The following SHISA6 variants were observed in gnomAD, a reference collection of about 807,000 sequenced individuals.
SHISA6 encodes the protein protein shisa-6.
SHISA6 carries 22 observed loss-of-function variants against 47.9 expected under a neutral mutation model. The observed-to-expected ratio is 0.46, with a 90% CI of 0.33 to 0.66. The LOEUF (loss-of-function observed/expected upper bound fraction) is 0.66, where lower values mean the gene tolerates loss of function less well. Ranked by LOEUF, SHISA6 falls within the 30% of genes least tolerant of loss-of-function variation. The probability of loss-of-function intolerance (pLI) is 0.02; values close to 1 mark genes in which losing one functional copy is unlikely to be tolerated. For missense variants in SHISA6, 680 were observed against 764.6 expected (o/e 0.89, Z 1.30); for synonymous variants, 388 against 337.8 (o/e 1.15, Z -1.63).
intron 2 of SHISA6, among the ~76,000 whole-genome samples, chr17:11,273,735 G>A (rs909428876): frequency 6.6e-6 from 1 of 152,182 alleles, no homozygotes; most frequent in Non-Finnish European, 1.5e-5. Context: ...CAGCCTGCCC[G>A]CAGGCGCAGG....
intron 4 of SHISA6, among the ~76,000 whole-genome samples, chr17:11,552,832 A>G (rs2071942811): frequency 6.6e-6 from 1 of 152,228 alleles, no homozygotes; most frequent in Non-Finnish European, 1.5e-5. Context: ...CAATAGTATA[A>G]TCAGATTTGT....
rs1358477952 is a variant in SHISA6 at position 11,525,639 on chromosome 17, AAAAAAAAAAAAAC to A, written c.896-26244_896-26232del. 2.6e-4 allele frequency among the ~76,000 whole-genome samples: 25 copies of A among 95,242 alleles called. No homozygotes were observed. The South Asian group carries it at 4.0e-3, about 15-fold the overall frequency. The allele number at this position is 95,242 out of a possible 152,430, so 62.5% of individuals were successfully genotyped here. On this transcript the variant is annotated intron_variant, in intron 3 of 5. Transcript: ENST00000441885. The stretch of plus-strand genomic sequence containing the variant: ...AGAGCAAGACTCCGTCTCAAAAAAA[AAAAAAAAAAAAAC>A]AAAAAAAAAAAAACGTGTTATAATA...
intron 2 of SHISA6, among the ~76,000 whole-genome samples, chr17:11,286,831 C>A (rs1475045743): frequency 6.6e-6 from 1 of 152,154 alleles, no homozygotes; most frequent in East Asian, 1.9e-4. Context: ...CTGCATCCAG[C>A]CTTGGAAGGA....
intron 2 of SHISA6, among the ~76,000 whole-genome samples, chr17:11,336,564 G>A (rs2142209206): frequency 6.6e-6 from 1 of 152,286 alleles, no homozygotes; most frequent in Admixed American, 6.5e-5. Flanking sequence ...CTGTGACAAA[G>A]CTTCTCAACG....
chr17:11,344,981 C>A (rs1911651906), intron 2 of SHISA6, among the ~76,000 whole-genome samples: 1 of 152,132 alleles, frequency 6.6e-6, no homozygotes, highest in African/African-American at 2.4e-5. Flanking sequence ...CTATTCTCTA[C>A]TTCTATGAGC....
chr17:11,497,658 G>A (rs566216508), intron 3 of SHISA6, among the ~76,000 whole-genome samples: 8 of 152,300 alleles, frequency 5.3e-5, no homozygotes, highest in African/African-American at 1.9e-4. Flanking sequence ...CACCAGTCTT[G>A]TTTCCCACAA....
At chr17:11,323,718 G>A (rs192974874) in intron 2 of SHISA6, among the ~76,000 whole-genome samples, 2 of 151,342 alleles carry the variant, frequency 1.3e-5, no homozygotes, top group Non-Finnish European at 2.9e-5. Context: ...CTTTGTGGTC[G>A]AGCTGGGACT....
At chr17:11,486,230 A>T (rs1597545208) in intron 3 of SHISA6, among the ~76,000 whole-genome samples, 1 of 152,148 alleles carries the variant, frequency 6.6e-6, no homozygotes, top group Non-Finnish European at 1.5e-5. Context: ...TCCCTGAAAG[A>T]GTTGGGGCCT....
At chr17:11,458,246 T>C in intron 3 of SHISA6, among the ~76,000 whole-genome samples, 1 of 152,156 alleles carries the variant, frequency 6.6e-6, no homozygotes, top group East Asian at 1.9e-4. Flanking sequence ...TTCTCATCTG[T>C]AGGTGGTGAA....
At chr17:11,325,878 C>G (rs1910865890) in intron 2 of SHISA6, among the ~76,000 whole-genome samples, 1 of 151,974 alleles carries the variant, frequency 6.6e-6, no homozygotes, top group Admixed American at 6.6e-5. Context: ...TTAACAATGC[C>G]AAAAAACAAT....
At chr17:11,246,206 C>T (rs1907582032) in intron 1 of SHISA6, among the ~76,000 whole-genome samples, 1 of 151,972 alleles carries the variant, frequency 6.6e-6, no homozygotes, top group Admixed American at 6.5e-5. Context: ...AAAAAAAATG[C>T]TTCGCCGGGT....
chr17:11,549,205 T>C (rs1164656680), intron 3 of SHISA6, among the ~76,000 whole-genome samples: 1 of 152,204 alleles, frequency 6.6e-6, no homozygotes, highest in Non-Finnish European at 1.5e-5. Flanking sequence ...AGCACTCATA[T>C]AATCATCCAC....
intron 2 of SHISA6, among the ~76,000 whole-genome samples, chr17:11,366,486 A>G (rs914804687): frequency 6.6e-6 from 1 of 152,226 alleles, no homozygotes; most frequent in African/African-American, 2.4e-5. Context: ...GATTTTAAGG[A>G]GAGGCATAGA....
At chr17:11,333,410 C>T (rs35479437) in intron 2 of SHISA6, among the ~76,000 whole-genome samples, 1 of 152,152 alleles carries the variant, frequency 6.6e-6, no homozygotes, top group Non-Finnish European at 1.5e-5. Context: ...TTTACCACCC[C>T]CTGCAGCCTC....
chr17:11,474,753 A>C (rs1426484444), intron 3 of SHISA6, among the ~76,000 whole-genome samples: 1 of 152,168 alleles, frequency 6.6e-6, no homozygotes, highest in East Asian at 1.9e-4. Context: ...TTTATAGTTA[A>C]AGTCTTGAAG....
At chr17:11,378,252 G>T (rs1912879284) in intron 2 of SHISA6, among the ~76,000 whole-genome samples, 1 of 152,158 alleles carries the variant, frequency 6.6e-6, no homozygotes, top group Non-Finnish European at 1.5e-5. Flanking sequence ...AAGCTGAAAA[G>T]ACAGAAGAAA....
At position 11,423,237 on chromosome 17, in the gene SHISA6, GTGTA is replaced by G. The variant is rs1302039090; in HGVS notation, c.895+43730_895+43733del. Among the ~76,000 whole-genome samples, 58 of 128,464 alleles carry G rather than the reference GTGTA, an allele frequency of 4.5e-4. 1 individual carries two copies. Among genetic ancestry groups the G allele is most frequent in the South Asian group, 4.4e-3 (17 of 3,884 alleles). The allele number at this position is 128,464 out of a possible 152,430, so 84.3% of individuals were successfully genotyped here. Reference sequence around the variant, plus strand: ...TGTATGTGTGTGTGTGTGTGTGTGTGTGTATATATATATATATAATATATATATA... The same window carrying G: ...TGTATGTGTGTGTGTGTGTGTGTGTGTATATATATATATAATATATATATA... On this transcript the variant is annotated intron_variant, in intron 3 of 5. Coordinates refer to ENST00000441885, the MANE Select transcript of SHISA6 (RefSeq NM_207386.4).
rs12325920 is a variant in SHISA6 at position 11,344,789 on chromosome 17, C to T, written c.800-34625C>T. Reference sequence around the variant, plus strand: ...TTTAATATTTATTTGCATTGGGAACCGTTAAAATCTCTTCTAGTCATTTGA... The same window carrying T: ...TTTAATATTTATTTGCATTGGGAACTGTTAAAATCTCTTCTAGTCATTTGA... On this transcript the variant is annotated intron_variant, in intron 2 of 5. Coordinates refer to ENST00000441885, the MANE Select transcript of SHISA6 (RefSeq NM_207386.4). 3.3e-3 allele frequency among the ~76,000 whole-genome samples: 495 copies of T among 152,048 alleles called. 4 individuals are homozygous for T. Among genetic ancestry groups the T allele is most frequent in the African/African-American group, 0.01 (417 of 41,476 alleles).
intron 1 of SHISA6, among the ~76,000 whole-genome samples, chr17:11,259,042 TG>T (rs908546754): frequency 6.6e-6 from 1 of 151,774 alleles, no homozygotes; most frequent in African/African-American, 2.4e-5. Context: ...TTTTATGGAT[TG>T]ATGGATAGAG....
Sources: allele counts gnomAD v4.1 joint callset (sites outside exome capture counted in the v4.1 genomes callset), GRCh38; gene constraint gnomAD v4.1.1; transcripts MANE v1.5; gene names NCBI Gene and HGNC (gene_info 2026-07-23, HGNC 2026-07-21).